Variants in CNTN5 observed in about 807,000 individuals in gnomAD.
The protein encoded by CNTN5 is contactin 5.
CNTN5 carries 77 observed loss-of-function variants against 129.1 expected under a neutral mutation model. The ratio of observed to expected loss-of-function variants is 0.60; its 90% CI spans 0.50 to 0.72. The LOEUF is 0.72. Ranked by LOEUF, CNTN5 falls within the 30% of genes least tolerant of loss-of-function variation. The pLI, the probability that CNTN5 is intolerant of heterozygous loss-of-function variation, is 0.00. For missense variants in CNTN5, 1,478 were observed against 1,328.8 expected, an observed-to-expected ratio of 1.11 and a Z score of -1.75; for synonymous variants, 509 against 465.6, an observed-to-expected ratio of 1.09 and a Z score of -1.20.
intron 3 of CNTN5, among the ~76,000 whole-genome samples, chr11:99,631,378 G>A (rs961555736): frequency 7.9e-5 from 12 of 152,016 alleles, no homozygotes; most frequent in African/African-American, 2.7e-4. Flanking sequence ...GTAAAATACA[G>A]AGTGCACTTT....
rs568684326 is a variant in CNTN5, at chr11:99,115,428, T to C, written c.-210+94158T>C. ...TTAGAGGTAAAATATAAATTAGAAA[T>C]CAGTGTTGACATCAAGGGGCATGCC... is the stretch of plus-strand genomic sequence containing the variant. On this transcript the variant is annotated intron_variant, in intron 1 of 24. Coordinates refer to ENST00000524871, the MANE Select transcript of CNTN5 (RefSeq NM_014361.4). Among the ~76,000 whole-genome samples, 23 of 152,206 alleles carry C rather than the reference T, an allele frequency of 1.5e-4. No homozygotes were observed. The South Asian group carries it at 4.8e-3, about 32-fold the overall frequency.
At chr11:100,085,640 A>G (rs896336544) in intron 13 of CNTN5, among the ~76,000 whole-genome samples, 2 of 152,058 alleles carry the variant, frequency 1.3e-5, no homozygotes, top group African/African-American at 2.4e-5. Flanking sequence ...AGCATTGGGT[A>G]TTTTTATATT....
chr11:99,617,763 A>C (rs1950806514), intron 3 of CNTN5, among the ~76,000 whole-genome samples: 2 of 152,196 alleles, frequency 1.3e-5, no homozygotes, highest in South Asian at 4.1e-4. Context: ...AAATGTATAA[A>C]ATGAAACCAC....
At chr11:99,182,733 G>A (rs1053184295) in intron 1 of CNTN5, among the ~76,000 whole-genome samples, 5 of 152,048 alleles carry the variant, frequency 3.3e-5, no homozygotes, top group Non-Finnish European at 7.4e-5. Context: ...TTATTTAGTC[G>A]TCAAGCCAGT....
At chr11:100,000,252 T>TA (rs1327801222) in intron 8 of CNTN5, among the ~76,000 whole-genome samples, 3 of 152,018 alleles carry the variant, frequency 2.0e-5, no homozygotes, top group Admixed American at 6.5e-5. Context: ...GCCTGTAAAA[T>TA]AAAAAACAAG....
intron 7 of CNTN5, among the ~76,000 whole-genome samples, chr11:99,919,788 G>C (rs1485687186): frequency 2.0e-5 from 3 of 148,618 alleles, no homozygotes; most frequent in Non-Finnish European, 3.0e-5. Context: ...CTATAGTTTT[G>C]ACTTTTCTAG....
At chr11:99,491,549 A>T (rs1395809651) in intron 2 of CNTN5, among the ~76,000 whole-genome samples, 1 of 152,160 alleles carries the variant, frequency 6.6e-6, no homozygotes, top group Admixed American at 6.5e-5. Context: ...AGGAGGGACC[A>T]ATCCTGTTTC....
At chr11:100,327,930 T>C (rs781044842) in intron 21 of CNTN5, among the ~76,000 whole-genome samples, 1 of 152,154 alleles carries the variant, frequency 6.6e-6, no homozygotes. Flanking sequence ...CTACATTTAA[T>C]AAAAGCAGAA....
chr11:99,799,374 TAG>T (rs2135472912), intron 3 of CNTN5, among the ~76,000 whole-genome samples: 1 of 152,096 alleles, frequency 6.6e-6, no homozygotes, highest in African/African-American at 2.4e-5. Context: ...AGTATGGTGT[TAG>T]CTGTAGGTTT....
At chr11:99,674,427 C>A (rs1253019893) in intron 3 of CNTN5, among the ~76,000 whole-genome samples, 1 of 151,960 alleles carries the variant, frequency 6.6e-6, no homozygotes, top group Non-Finnish European at 1.5e-5. Context: ...TTGATAGTTT[C>A]TTTTGCTTTG....
intron 1 of CNTN5, among the ~76,000 whole-genome samples, chr11:99,058,353 GAT>G (rs1350120297): frequency 1.3e-5 from 2 of 151,910 alleles, no homozygotes; most frequent in Admixed American, 1.3e-4. Flanking sequence ...GGAGGCTGGA[GAT>G]ATATAAATAT....
At chr11:99,447,482 T>G (rs535851327) in intron 2 of CNTN5, among the ~76,000 whole-genome samples, 2 of 152,360 alleles carry the variant, frequency 1.3e-5, no homozygotes, top group South Asian at 4.1e-4. Context: ...TGATTTCAAC[T>G]TCTAGATTTA....
chr11:99,709,438 T>C (rs1954881725), intron 3 of CNTN5, among the ~76,000 whole-genome samples: 1 of 151,802 alleles, frequency 6.6e-6, no homozygotes, highest in African/African-American at 2.4e-5. Flanking sequence ...GTCTGAACTC[T>C]AGAGAGTGAA....
At chr11:99,119,759 A>G (rs961262084) in intron 1 of CNTN5, among the ~76,000 whole-genome samples, 1 of 152,018 alleles carries the variant, frequency 6.6e-6, no homozygotes, top group African/African-American at 2.4e-5. Flanking sequence ...CACCAACAAC[A>G]TATTAGCATT....
At chr11:100,026,362 C>T (rs756679647) in intron 9 of CNTN5, among the ~76,000 whole-genome samples, 1 of 152,096 alleles carries the variant, frequency 6.6e-6, no homozygotes, top group African/African-American at 2.4e-5. Flanking sequence ...ATTGCCTAGT[C>T]TCAGGAAGTT....
chr11:100,251,810 A>G (rs916907975), intron 16 of CNTN5, among the ~76,000 whole-genome samples: 1 of 151,984 alleles, frequency 6.6e-6, no homozygotes, highest in Non-Finnish European at 1.5e-5. Flanking sequence ...TTCTTTATCC[A>G]TTCATCTGTT....
chr11:99,175,696 C>T (rs780143398), intron 1 of CNTN5, among the ~76,000 whole-genome samples: 4 of 152,040 alleles, frequency 2.6e-5, no homozygotes, highest in Non-Finnish European at 5.9e-5. Flanking sequence ...TATTGATGGA[C>T]CTCGCATCTA....
intron 1 of CNTN5, among the ~76,000 whole-genome samples, chr11:99,281,451 A>C (rs750228908): frequency 1.1e-4 from 17 of 152,090 alleles, no homozygotes; most frequent in Admixed American, 3.9e-4. Context: ...GTGCTTCCTC[A>C]CCTATGTCCA....
intron 3 of CNTN5, among the ~76,000 whole-genome samples, chr11:99,637,043 T>TAAAAAAACAAAA (rs763109822): frequency 1.0e-5 from 1 of 95,770 alleles, no homozygotes; most frequent in Admixed American, 1.0e-4. Flanking sequence ...AAAAAAAAAG[T>TAAAAAAACAAAA]AAATGACTCT....
Sources: allele counts gnomAD v4.1 joint callset (sites outside exome capture counted in the v4.1 genomes callset), GRCh38; gene constraint gnomAD v4.1.1; transcripts MANE v1.5; gene names NCBI Gene and HGNC (gene_info 2026-07-23, HGNC 2026-07-21).